TBXA2R: variants seen among roughly 807,000 people sequenced by gnomAD.
TBXA2R encodes the protein thromboxane A2 receptor.
A neutral mutation model predicts 15.6 loss-of-function variants in TBXA2R; 15 were observed. That is an observed-to-expected ratio of 0.96 (90% CI 0.64 to 1.48). The LOEUF is 1.48. TBXA2R is among the 40% of genes most tolerant of loss of function. TBXA2R has a pLI of 0.00. For missense variants in TBXA2R, 506 were observed against 491.4 expected (o/e 1.03, Z -0.28); for synonymous variants, 280 against 241.2 (o/e 1.16, Z -1.49).
intron 2 of TBXA2R, among the ~76,000 whole-genome samples, chr19:3,598,722 G>C (rs1049372463): frequency 2.0e-5 from 3 of 152,060 alleles, no homozygotes; most frequent in Admixed American, 6.6e-5. Context: ...AGGCTGGAGT[G>C]CAGTGACGTG....
chr19:3,600,551 G>A lies in TBXA2R; in HGVS notation c.84C>T (p.Pro28=). 6.2e-7 allele frequency: 1 copy of A among 1,611,948 alleles called. No homozygotes were observed. Among genetic ancestry groups the A allele is most frequent in the South Asian group, 1.1e-5 (1 of 91,050 alleles). The change falls in exon 2 of 3, where the codon CCC becomes CCT. Residue 28 remains proline (P), a synonymous_variant. Coordinates refer to ENST00000375190, the MANE Select transcript of TBXA2R (RefSeq NM_001060.6). ...CCACGCAGAAGGAGGCGGCGAACCA[G>A]GGCGAGGCGATCAGCCGTCTCTCCT... is the stretch of plus-strand genomic sequence containing the variant. ...TLEERRLIAS[P]WFAASFCVVG... is the part of the protein sequence containing the mutation.
Position 3,595,248 on chromosome 19 carries a change from G to A in TBXA2R, c.*440C>T, listed in dbSNP as rs148113390. ...ACAAAAATTAGCCGGGCGTGGTGGC[G>A]CGCGCCTATAGTCCCAGCTACTCAG... On this transcript the variant is annotated 3_prime_UTR_variant, in exon 3 of 3. Coordinates refer to ENST00000375190, the MANE Select transcript of TBXA2R (RefSeq NM_001060.6). 8.8e-3 allele frequency: 6,726 copies of A among 762,018 alleles called. 336 individuals carry two copies. In the African/African-American group the frequency reaches 0.11, roughly 12 times the overall value. 47.2% of individuals were successfully genotyped at this position (762,018 alleles called of 1,614,324 possible). A position where few individuals can be genotyped will look rare whatever the true frequency, so the allele number is the denominator to read the frequency against.
At chr19:3,604,912 C>T (rs893968592) in intron 1 of TBXA2R, among the ~76,000 whole-genome samples, 3 of 152,202 alleles carry the variant, frequency 2.0e-5, no homozygotes, top group Non-Finnish European at 2.9e-5. Flanking sequence ...CGGCCAGACC[C>T]TCCCATGCCT....
chr19:3,601,032 G>A (rs1256670624), intron 1 of TBXA2R, among the ~76,000 whole-genome samples: 1 of 151,652 alleles, frequency 6.6e-6, no homozygotes. Flanking sequence ...GGGATTACAG[G>A]CGTGAGCCAC....
chr19:3,595,856 C>T lies in TBXA2R; in HGVS notation c.864G>A (p.Lys288=), dbSNP rs1288178861. ...CCACGCGCAAGTAGATGAGCAGCTC[C>T]TTCTCCGTGGTGCGGGACAGCTGCC... ...PAGQLSRTTE[K]ELLIYLRVAT... is the part of the protein sequence containing the mutation. The change falls in exon 3 of 3, where the codon AAG becomes AAA. Residue 288 remains lysine (K), a synonymous_variant. Transcript: ENST00000375190. 6.2e-7 allele frequency: 1 copy of T among 1,611,086 alleles called. No homozygotes were observed. Among genetic ancestry groups the T allele is most frequent in the East Asian group, 2.2e-5 (1 of 44,810 alleles).
chr19:3,605,115 C>T (rs915501640), intron 1 of TBXA2R, among the ~76,000 whole-genome samples: 1 of 152,248 alleles, frequency 6.6e-6, no homozygotes, highest in Non-Finnish European at 1.5e-5. Context: ...CAGACTCCGG[C>T]CAGCCTTGTT....
intron 2 of TBXA2R, 105 bp downstream of exon 2, chr19:3,599,744 G>A (rs1025791848): frequency 6.7e-6 from 10 of 1,498,970 alleles, no homozygotes; most frequent in Admixed American, 5.9e-5. Flanking sequence ...TGGGATTACC[G>A]GCGTGAGCCA....
chr19:3,605,159 C>T (rs905948705), intron 1 of TBXA2R, among the ~76,000 whole-genome samples: 13 of 152,240 alleles, frequency 8.5e-5, no homozygotes, highest in Non-Finnish European at 1.5e-4. Flanking sequence ...CTGTGAGCCT[C>T]GCTTTCCCCA....
chr19:3,596,065 G>A, intron 2 of TBXA2R, 132 bp from the exon 3 acceptor site: 1 of 1,206,430 alleles, frequency 8.3e-7, no homozygotes, highest in East Asian at 2.6e-5. Context: ...GTCTCACTCT[G>A]TCGTCCAGGC....
At chr19:3,603,685 C>T (rs976277249) in intron 1 of TBXA2R, among the ~76,000 whole-genome samples, 2 of 152,202 alleles carry the variant, frequency 1.3e-5, no homozygotes, top group African/African-American at 2.4e-5. Flanking sequence ...CTCACACCTC[C>T]GGTGGCTGGG....
In TBXA2R at chr19:3,599,944, C is replaced by T. The variant is rs2032686079; in HGVS notation, c.691G>A (p.Ala231Thr). The T allele has an allele frequency of 6.4e-7, 1 of 1,562,306 alleles. No homozygotes were observed. Among genetic ancestry groups the T allele is most frequent in the East Asian group, 2.4e-5 (1 of 41,620 alleles). ...GAGTCCCGGGGACGCTGCTGGGCCG[C>T]CTCCTGCCCGTGGTAGACGTGGCAC... The part of the protein sequence containing the change: ...TLCHVYHGQE[A>T]AQQRPRDSEV... The change falls in exon 2 of 3, where the codon GCG (alanine) becomes ACG (threonine). Residue 231 changes from alanine to threonine, a missense_variant. Ala to Thr is a moderately conservative substitution (Grantham distance 58). Coordinates refer to ENST00000375190, the MANE Select transcript of TBXA2R (RefSeq NM_001060.6).
At chr19:3,598,418 T>C (rs1279656763) in intron 2 of TBXA2R, among the ~76,000 whole-genome samples, 4 of 147,468 alleles carry the variant, frequency 2.7e-5, no homozygotes, top group African/African-American at 1.0e-4. Context: ...TGGCACAATC[T>C]TGGCTCACTG....
At chr19:3,599,035 A>G (rs1599871734) in intron 2 of TBXA2R, among the ~76,000 whole-genome samples, 1 of 152,194 alleles carries the variant, frequency 6.6e-6, no homozygotes, top group East Asian at 1.9e-4. Flanking sequence ...ATAGAGGCAA[A>G]AATTGAGTGA....
At position 3,600,672 on chromosome 19, in the gene TBXA2R, A is replaced by T. The variant is rs1599873753; in HGVS notation, c.-38T>A. The T allele has an allele frequency of 6.2e-7, 1 of 1,604,502 alleles. No individual in the cohort carries two copies. Among genetic ancestry groups the T allele is most frequent in the African/African-American group, 1.3e-5 (1 of 74,698 alleles). On this transcript the variant is annotated 5_prime_UTR_variant, in exon 2 of 3. An upstream open reading frame in the 5' UTR loses its in-frame stop. Coordinates refer to ENST00000375190, the MANE Select transcript of TBXA2R (RefSeq NM_001060.6). ...CTGAGGGATCAGTCACCACCCCATC[A>T]GGCCGATGCTGCAGACAGGGCAGGC...
At chr19:3,595,955 G>A (rs1222288199) in intron 2 of TBXA2R, 22 bp from the exon 3 acceptor site, 2 of 1,567,822 alleles carry the variant, frequency 1.3e-6, no homozygotes, top group African/African-American at 1.3e-5. Context: ...AGAGCTGTCA[G>A]CCTGGGCCCC....
In TBXA2R at chr19:3,600,006, A is replaced by G. The variant is rs145699053; in HGVS notation, c.629T>C (p.Leu210Pro). 2 of 1,610,960 alleles carry G rather than the reference A, an allele frequency of 1.2e-6. No individual in the cohort carries two copies. Among genetic ancestry groups the G allele is most frequent in the African/African-American group, 2.7e-5 (2 of 75,038 alleles). Residue 210 changes from leucine to proline, a missense_variant, in exon 2 of 3, where the codon CTG (leucine) becomes CCG (proline). Physicochemically the swap from Leu to Pro is moderately conservative, Grantham distance 98. Transcript: ENST00000375190. Reference sequence around the variant, plus strand: ...GCTGACCGTGTTCAGCAGGAAGGACAGCCCGACCGAGAGGCCGCCCAGCAT... The same window carrying G: ...GCTGACCGTGTTCAGCAGGAAGGACGGCCCGACCGAGAGGCCGCCCAGCAT... ...FSMLGGLSVGLSFLLNTVSVA... is the reference protein window; with the variant it reads ...FSMLGGLSVGPSFLLNTVSVA...
intron 2 of TBXA2R, among the ~76,000 whole-genome samples, chr19:3,599,379 G>C (rs918206137): frequency 1.3e-5 from 2 of 151,394 alleles, no homozygotes; most frequent in African/African-American, 2.4e-5. Context: ...GCCCAGGCTG[G>C]AGTGCAGTGG....
At chr19:3,602,853 G>A (rs1360282100) in intron 1 of TBXA2R, among the ~76,000 whole-genome samples, 1 of 151,676 alleles carries the variant, frequency 6.6e-6, no homozygotes, top group Admixed American at 6.6e-5. Context: ...TGGCTAACAC[G>A]GTGAAACCCC....
Position 3,595,133 on chromosome 19 carries a change from C to G in TBXA2R, c.*555G>C. On this transcript the variant is annotated 3_prime_UTR_variant, in exon 3 of 3. Transcript: ENST00000375190. Reference sequence around the variant, plus strand: ...GTGGTTCATGCCTGTGATCCCAGCACTTTGGGAGGCTGAGGCTGGTGAATC... The same window carrying G: ...GTGGTTCATGCCTGTGATCCCAGCAGTTTGGGAGGCTGAGGCTGGTGAATC... The G allele has an allele frequency of 1.5e-6, 1 of 654,170 alleles. No homozygotes were observed. Among genetic ancestry groups the G allele is most frequent in the South Asian group, 2.0e-5 (1 of 51,134 alleles). The allele number at this position is 654,170 out of a possible 1,614,324, so 40.5% of individuals were successfully genotyped here. A position where few individuals can be genotyped will look rare whatever the true frequency, so the allele number is the denominator to read the frequency against.
Sources: allele counts gnomAD v4.1 joint callset (sites outside exome capture counted in the v4.1 genomes callset), GRCh38; gene constraint gnomAD v4.1.1; transcripts MANE v1.5; gene names NCBI Gene and HGNC (gene_info 2026-07-23, HGNC 2026-07-21).